Variants in GOSR2 observed in about 807,000 individuals in gnomAD.
GOSR2 encodes 27 kDa Golgi SNARE protein.
A neutral mutation model predicts 27.9 loss-of-function variants in GOSR2; 20 were observed. That is an observed-to-expected ratio of 0.72 (90% CI 0.50 to 1.04). The LOEUF (loss-of-function observed/expected upper bound fraction) is 1.04, where lower values mean the gene tolerates loss of function less well. Ranked by LOEUF, GOSR2 falls within the 50% of genes least tolerant of loss-of-function variation. The pLI is 0.00. For synonymous variants in GOSR2, 91 were observed against 98.8 expected (o/e 0.92, Z 0.47); for missense variants, 261 against 270.5 (o/e 0.97, Z 0.25).
chr17:46,954,845 T>C (rs1047062616), intron 6 of GOSR2, among the ~76,000 whole-genome samples: 6 of 152,252 alleles, frequency 3.9e-5, no homozygotes, highest in African/African-American at 1.4e-4. Context: ...ATAAGAATGC[T>C]TGTGATTTTT....
At chr17:46,954,500 G>T (rs911678895) in intron 6 of GOSR2, among the ~76,000 whole-genome samples, 4 of 152,110 alleles carry the variant, frequency 2.6e-5, no homozygotes, top group Admixed American at 2.6e-4. Context: ...TTTGGCCTTG[G>T]CAATGCAGGC....
chr17:46,926,944 A>G (rs2086591227), intron 1 of GOSR2, among the ~76,000 whole-genome samples: 1 of 152,238 alleles, frequency 6.6e-6, no homozygotes, highest in African/African-American at 2.4e-5. Context: ...GGGTCATAGC[A>G]TGGACACATG....
At position 46,931,218 on chromosome 17, in the gene GOSR2, A is replaced by AC. The variant is rs775911834; in HGVS notation, c.203+13dup. 8 of 1,203,732 alleles carry AC rather than the reference A, an allele frequency of 6.6e-6. No individual in the cohort carries two copies. Among genetic ancestry groups the AC allele is most frequent in the Non-Finnish European group, 9.9e-6 (8 of 805,106 alleles). The allele number at this position is 1,203,732 out of a possible 1,614,324, so 74.6% of individuals were successfully genotyped here. On this transcript the variant is annotated intron_variant, in intron 3 of 5. Transcript: ENST00000640051. ...GCAAAATGCCAGACTGTAAGTGCTG[A>AC]CCTCTGACATGGCTCTGATACTCCA...
Position 46,939,993 on chromosome 17 carries a change from C to T in GOSR2, c.*1233C>T. 9.9e-7 allele frequency: 1 copy of T among 1,011,130 alleles called. No individual in the cohort carries two copies. The highest frequency in any genetic ancestry group is 1.2e-6 in the Non-Finnish European group (1 of 844,142). 62.6% of individuals were successfully genotyped at this position (1,011,130 alleles called of 1,614,324 possible). A position where few individuals can be genotyped will look rare whatever the true frequency, so the allele number is the denominator to read the frequency against. On this transcript the variant is annotated 3_prime_UTR_variant, in exon 6 of 6. Coordinates refer to ENST00000640051, the MANE Select transcript of GOSR2 (RefSeq NM_004287.5). ...ACATAAAATGACACTCAAAATCCTT[C>T]AGATCTGGAAACCGGCTCAGTATTA...
At chr17:46,953,901 ATTTG>A (rs1275942855) in intron 6 of GOSR2, among the ~76,000 whole-genome samples, 8 of 152,190 alleles carry the variant, frequency 5.3e-5, no homozygotes, top group South Asian at 2.1e-4. Flanking sequence ...TTTCTTGTAA[ATTTG>A]TTTGAGTTCA....
chr17:46,943,629 A>G (rs2089557790), downstream of GOSR2, among the ~76,000 whole-genome samples: 1 of 152,094 alleles, frequency 6.6e-6, no homozygotes, highest in African/African-American at 2.4e-5. Flanking sequence ...CGCAGGCGCC[A>G]TCGGGTAAGC....
intron 1 of GOSR2, among the ~76,000 whole-genome samples, chr17:46,927,240 G>A (rs1277741265): frequency 6.6e-6 from 1 of 151,746 alleles, no homozygotes; most frequent in Admixed American, 6.6e-5. Flanking sequence ...TTGACTTTTT[G>A]TATTGATTTG....
At chr17:46,952,755 C>T (rs960538116) in intron 6 of GOSR2, 3 of 152,092 alleles carry the variant, frequency 2.0e-5, no homozygotes, top group African/African-American at 7.2e-5. Flanking sequence ...CAGTTAAGTC[C>T]CTGGATTGAG....
At chr17:46,935,370 T>C in intron 5 of GOSR2, 1 of 1,446,574 alleles carries the variant, frequency 6.9e-7, no homozygotes, top group Non-Finnish European at 9.0e-7. Context: ...TGCCAGTGCT[T>C]GAAACAAACC....
At position 46,932,018 on chromosome 17, in the gene GOSR2, C is replaced by G. The variant is rs185788294; in HGVS notation, c.204-49C>G. Reference sequence around the variant, plus strand: ...GTACAAAGCCTGGCCCCCTCAGATTCTGCTGCCCTGAGTTCCTGGAATTTA... The same window carrying G: ...GTACAAAGCCTGGCCCCCTCAGATTGTGCTGCCCTGAGTTCCTGGAATTTA... On this transcript the variant is annotated intron_variant, in intron 3 of 5. Transcript: ENST00000640051. 5 of 1,591,818 alleles carry G rather than the reference C, an allele frequency of 3.1e-6. No homozygotes were observed. The Admixed American group carries it at 8.3e-5, about 27-fold the overall frequency.
At chr17:46,936,328 C>T (rs1217711329) in intron 5 of GOSR2, 4 of 985,154 alleles carry the variant, frequency 4.1e-6, no homozygotes, top group Non-Finnish European at 4.8e-6. Context: ...GGGGTTAGAG[C>T]GTCCTGTTAA....
chr17:46,974,946 C>T (rs7213046), intron 6 of GOSR2, among the ~76,000 whole-genome samples: 109,908 of 149,594 alleles, frequency 0.73, 40,994 homozygotes, highest in Non-Finnish European at 0.81. Context: ...TGAAAGTACT[C>T]TGAAAACTGC....
intron 6 of GOSR2, among the ~76,000 whole-genome samples, chr17:46,953,974 A>G (rs1460524032): frequency 6.6e-6 from 1 of 152,108 alleles, no homozygotes; most frequent in Non-Finnish European, 1.5e-5. Context: ...ATTTTCTCCC[A>G]TTCTGTAGGT....
At position 46,941,224 on chromosome 17, in the gene GOSR2, T is replaced by G. The variant is rs565869072; in HGVS notation, c.*2464T>G. Reference sequence around the variant, plus strand: ...ACCAAGTAAGTTAGAGGAGTCTTGATTTTTTAGACTTCACTGCGGAGTTCT... The same window carrying G: ...ACCAAGTAAGTTAGAGGAGTCTTGAGTTTTTAGACTTCACTGCGGAGTTCT... On this transcript the variant is annotated 3_prime_UTR_variant, in exon 6 of 6. Coordinates refer to ENST00000640051, the MANE Select transcript of GOSR2 (RefSeq NM_004287.5). 113 of 996,044 alleles carry G rather than the reference T, an allele frequency of 1.1e-4. No homozygotes were observed. The African/African-American group carries it at 1.9e-3, about 17-fold the overall frequency. The allele number at this position is 996,044 out of a possible 1,614,324, so 61.7% of individuals were successfully genotyped here.
At chr17:46,938,283 G>A (rs2088747311) in intron 5 of GOSR2, among the ~76,000 whole-genome samples, 1 of 152,046 alleles carries the variant, frequency 6.6e-6, no homozygotes, top group South Asian at 2.1e-4. Flanking sequence ...TGTGAATTGA[G>A]GTTCAATTTT....
At chr17:46,954,393 A>G (rs917975809) in intron 6 of GOSR2, among the ~76,000 whole-genome samples, 38 of 152,284 alleles carry the variant, frequency 2.5e-4, no homozygotes, top group Middle Eastern at 3.4e-3. Flanking sequence ...CCATTGGTCT[A>G]TATCTCTGTG....
At chr17:46,950,094 G>A (rs1412732169) in intron 6 of GOSR2, among the ~76,000 whole-genome samples, 1 of 152,256 alleles carries the variant, frequency 6.6e-6, no homozygotes. Context: ...ATAAAGACAG[G>A]GAGAACCCAC....
intron 4 of GOSR2, chr17:46,932,449 C>G: frequency 1.7e-6 from 1 of 600,652 alleles, no homozygotes; most frequent in Non-Finnish European, 3.0e-6. Context: ...TGAAAATTAC[C>G]TGGTTGGGCT....
intron 6 of GOSR2, among the ~76,000 whole-genome samples, chr17:46,962,945 A>G (rs916289441): frequency 6.6e-6 from 1 of 152,226 alleles, no homozygotes; most frequent in South Asian, 2.1e-4. Flanking sequence ...CCTTTCAAAC[A>G]TACTTAGAGG....
Sources: allele counts gnomAD v4.1 joint callset (sites outside exome capture counted in the v4.1 genomes callset), GRCh38; gene constraint gnomAD v4.1.1; transcripts MANE v1.5; gene names NCBI Gene and HGNC (gene_info 2026-07-23, HGNC 2026-07-21).